Variants in USP40 observed in about 807,000 individuals in gnomAD.
USP40 encodes the protein ubiquitin specific peptidase 40.
Under a neutral mutation model 166.2 loss-of-function variants are expected in USP40, and 143 were observed. That is an observed-to-expected ratio of 0.86 (90% confidence interval 0.75 to 0.99). The LOEUF (loss-of-function observed/expected upper bound fraction) is 0.99. Among genes scored for constraint, USP40 ranks in the 50% least tolerant of loss-of-function variants. The pLI is 0.00. For missense variants in USP40, 1,444 were observed against 1,479.7 expected (o/e 0.98, Z 0.40); for synonymous variants, 498 against 524.0 (o/e 0.95, Z 0.68).
In USP40 at chr2:233,560,779, T is replaced by C. The variant is rs185738105; in HGVS notation, c.268-855A>G. On this transcript the variant is annotated intron_variant, in intron 3 of 31. Transcript: ENST00000678225. ...CTCAATTTATTTCCAGAGTACCAAA[T>C]TGAAAGAATACTAGCCTCTATTTTT... 1.4e-4 allele frequency: 60 copies of C among 431,492 alleles called. 1 individual carries two copies. Among genetic ancestry groups the C allele is most frequent in the Admixed American group, 7.7e-4 (20 of 26,050 alleles). The allele number at this position is 431,492 out of a possible 1,614,324, so 26.7% of individuals were successfully genotyped here.
Position 233,525,518 on chromosome 2 carries a change from C to G in USP40, c.1770G>C (p.Lys590Asn). The G allele has an allele frequency of 6.2e-7, 1 of 1,613,262 alleles. No individual in the cohort carries two copies. The highest frequency in any genetic ancestry group is 8.5e-7 in the Non-Finnish European group (1 of 1,179,480). ...WEGDMVLSVA[K>N]LVPAGLHIYQ... ...AAATGTGAAGTCCTGCTGGTACAAGCTTTGCAACACTAAGAACCATGTCTC... is the reference window on the plus strand; with the variant it reads ...AAATGTGAAGTCCTGCTGGTACAAGGTTTGCAACACTAAGAACCATGTCTC... Residue 590 changes from lysine to asparagine, a missense_variant, in exon 14 of 32, where the codon AAG becomes AAC. Coordinates refer to ENST00000678225, the MANE Select transcript of USP40 (RefSeq NM_001365479.2).
chr2:233,521,240 AAGTGGGCT>A, intron 16 of USP40, 126 bp from the exon 17 acceptor site: 1 of 1,053,716 alleles, frequency 9.5e-7, no homozygotes, highest in Non-Finnish European at 1.3e-6. Context: ...TCTCTATGAT[AAGTGGGCT>A]ACCTTTGCAG....
Position 233,527,570 on chromosome 2 carries a change from C to T in USP40, c.1562G>A (p.Cys521Tyr), listed in dbSNP as rs778045805. 1.2e-6 allele frequency: 2 copies of T among 1,605,520 alleles called. No homozygotes were observed. Among genetic ancestry groups the T allele is most frequent in the Non-Finnish European group, 1.7e-6 (2 of 1,176,926 alleles). ...TTCAAAAGTATTGTTTGCAGAATCA[C>T]ATTCTGCCCTTTAAAGAGGCACAAA... ...NIELQTKRAE[C>Y]DSANNTFELH... The change falls in exon 13 of 32, where the codon TGT becomes TAT. Residue 521 changes from cysteine to tyrosine, a missense_variant. Transcript: ENST00000678225.
At chr2:233,562,522 A>G (rs2071731889) in intron 3 of USP40, among the ~76,000 whole-genome samples, 1 of 141,962 alleles carries the variant, frequency 7.0e-6, no homozygotes, top group African/African-American at 2.6e-5. Flanking sequence ...CAATGAGAAC[A>G]CATGGACACA....
chr2:233,557,151 C>A, intron 4 of USP40, 132 bp from the exon 5 acceptor site: 2 of 762,804 alleles, frequency 2.6e-6, no homozygotes, highest in East Asian at 2.6e-5. Context: ...AATGACTCAG[C>A]AAAACAAGCT....
intron 6 of USP40, among the ~76,000 whole-genome samples, chr2:233,554,041 A>G (rs2070824988): frequency 6.6e-6 from 1 of 152,220 alleles, no homozygotes; most frequent in African/African-American, 2.4e-5. Flanking sequence ...ATCTACTTTC[A>G]TAGTAGTAAA....
At chr2:233,551,565 T>C in intron 6 of USP40, 46 bp from the exon 7 acceptor site, 3 of 1,521,140 alleles carry the variant, frequency 2.0e-6, no homozygotes, top group South Asian at 1.3e-5. Flanking sequence ...CAGGGTTATA[T>C]AAAAGGATAC....
intron 21 of USP40, among the ~76,000 whole-genome samples, chr2:233,508,185 T>C (rs1002959587): frequency 1.3e-5 from 2 of 152,242 alleles, no homozygotes; most frequent in African/African-American, 4.8e-5. Flanking sequence ...CTAAAATGAT[T>C]ATGACAGCTA....
chr2:233,536,632 C>G (rs1468787463), intron 10 of USP40, among the ~76,000 whole-genome samples: 1 of 152,094 alleles, frequency 6.6e-6, no homozygotes, highest in Non-Finnish European at 1.5e-5. Context: ...GCCTGGGCAA[C>G]AGAGTGAGAT....
At chr2:233,531,456 C>T (rs2068518028) in intron 11 of USP40, among the ~76,000 whole-genome samples, 1 of 152,136 alleles carries the variant, frequency 6.6e-6, no homozygotes, top group Admixed American at 6.5e-5. Flanking sequence ...AGAAAACTGT[C>T]ATTTACATAT....
intron 3 of USP40, chr2:233,560,961 A>G: frequency 1.4e-6 from 1 of 721,404 alleles, no homozygotes; most frequent in Non-Finnish European, 2.5e-6. Context: ...CAGTAGCAGT[A>G]TTGTACTTGG....
intron 12 of USP40, among the ~76,000 whole-genome samples, chr2:233,528,620 A>G (rs2068241309): frequency 6.6e-6 from 1 of 152,038 alleles, no homozygotes; most frequent in South Asian, 2.1e-4. Context: ...TATGCAGGTT[A>G]TTTTTTAGAC....
intron 30 of USP40, among the ~76,000 whole-genome samples, chr2:233,482,699 T>G (rs2064702594): frequency 1.3e-5 from 2 of 151,316 alleles, no homozygotes; most frequent in Admixed American, 6.6e-5. Flanking sequence ...CAAGTGATCC[T>G]CCTGCCTTAG....
chr2:233,525,383 TG>T, intron 14 of USP40, 94 bp downstream of exon 14: 1 of 799,646 alleles, frequency 1.3e-6, no homozygotes, highest in Non-Finnish European at 2.1e-6. Flanking sequence ...AAGTAGTAGG[TG>T]GGGAAGGACT....
chr2:233,523,373 ATGTGGAGATTC>A lies in USP40; in HGVS notation c.1987_1997del (p.Glu663CysfsTer5). 6.2e-7 allele frequency: 1 copy of A among 1,613,946 alleles called. No individual in the cohort carries two copies. The highest frequency in any genetic ancestry group is 8.5e-7 in the Non-Finnish European group (1 of 1,179,846). ...CCACTTCTGCATTAGCTGGAAAGAC[ATGTGGAGATTC>A]TATCACCTGACAACACTTTTCTCCA... On this transcript the variant is annotated frameshift_variant, in exon 16 of 32. Transcript: ENST00000678225. LOFTEE classifies it high-confidence loss of function.
At chr2:233,512,722 A>G in intron 18 of USP40, 100 bp from the exon 19 acceptor site, 1 of 540,238 alleles carries the variant, frequency 1.9e-6, no homozygotes, top group Non-Finnish European at 3.0e-6. Flanking sequence ...CATCAAACAC[A>G]GAAAACAAAA....
intron 23 of USP40, among the ~76,000 whole-genome samples, chr2:233,497,742 T>C (rs1481987277): frequency 6.6e-6 from 1 of 152,234 alleles, no homozygotes; most frequent in Non-Finnish European, 1.5e-5. Context: ...TAAAGATGCT[T>C]TGAGGTCCAC....
Position 233,549,183 on chromosome 2 carries a change from A to G in USP40, c.884T>C (p.Ile295Thr), listed in dbSNP as rs1575332579. The G allele has an allele frequency of 1.3e-6, 2 of 1,550,316 alleles. No homozygotes were observed. Among genetic ancestry groups the G allele is most frequent in the Non-Finnish European group, 8.9e-7 (1 of 1,129,942 alleles). ...TCCGTAGCAGCCACCTTTGTGTATA[A>G]TAACTGAGAAGAGGTCATATATATA... Reference protein sequence around the residue: ...LEYIYDLFSVIIHKGGCYGGH... With the variant: ...LEYIYDLFSVTIHKGGCYGGH... The change falls in exon 8 of 32, where the codon ATT becomes ACT. Residue 295 changes from isoleucine to threonine, a missense_variant. Transcript: ENST00000678225.
chr2:233,505,572 C>T (rs982374040), intron 21 of USP40, among the ~76,000 whole-genome samples: 1 of 151,874 alleles, frequency 6.6e-6, no homozygotes, highest in African/African-American at 2.4e-5. Flanking sequence ...AATTTAAAAA[C>T]ATAGAAGAAA....
Sources: gnomAD v4.1 joint callset for allele counts (sites outside exome capture counted in the v4.1 genomes callset) on GRCh38, gnomAD v4.1.1 for gene constraint, MANE v1.5 for transcripts, NCBI Gene and HGNC (gene_info 2026-07-23, HGNC 2026-07-21) for gene names.